The following CFTR variants were observed in gnomAD, a reference collection of about 807,000 sequenced individuals.
CFTR encodes cystic fibrosis transmembrane conductance regulator.
A neutral mutation model predicts 171.6 loss-of-function variants in CFTR; 181 were observed. That is an observed-to-expected ratio of 1.05 (90% CI 0.93 to 1.19). The LOEUF is 1.19. Among genes scored for constraint, CFTR ranks in the 50% most tolerant of loss-of-function variants. The pLI, the probability that CFTR is intolerant of heterozygous loss-of-function variation, is 0.00. For missense variants in CFTR, 1,968 were observed against 1,734.7 expected (o/e 1.13, Z -2.39); for synonymous variants, 583 against 608.0 (o/e 0.96, Z 0.60).
intron 9 of CFTR, among the ~76,000 whole-genome samples, chr7:117,542,782 T>C (rs1799078832): frequency 6.6e-6 from 1 of 152,128 alleles, no homozygotes; most frequent in South Asian, 2.1e-4. Context: ...ATGTGTAAAA[T>C]GGAGAATATT....
At chr7:117,531,307 A>AATT (rs1798862359) in intron 4 of CFTR, among the ~76,000 whole-genome samples, 193 bp downstream of exon 4, 1 of 152,146 alleles carries the variant, frequency 6.6e-6, no homozygotes, top group South Asian at 2.1e-4. Flanking sequence ...TTAAACTGAT[A>AATT]ATTATTGAGT....
intron 11 of CFTR, among the ~76,000 whole-genome samples, chr7:117,576,651 T>C (rs1474228609): frequency 6.6e-6 from 1 of 152,146 alleles, no homozygotes; most frequent in African/African-American, 2.4e-5. Context: ...TTAGAGAATT[T>C]CCTCTGGTGA....
At chr7:117,556,434 G>A (rs887181418) in intron 10 of CFTR, among the ~76,000 whole-genome samples, 11 of 151,184 alleles carry the variant, frequency 7.3e-5, no homozygotes, top group African/African-American at 2.7e-4. Flanking sequence ...TGTTTAAATA[G>A]CACTGGAGTT....
At chr7:117,533,759 G>A (rs946184359) in intron 4 of CFTR, among the ~76,000 whole-genome samples, 14 of 152,058 alleles carry the variant, frequency 9.2e-5, no homozygotes, top group African/African-American at 3.4e-4. Flanking sequence ...GTTTCATATA[G>A]CATTGCATTT....
At chr7:117,528,515 G>A (rs1584783751) in intron 3 of CFTR, among the ~76,000 whole-genome samples, 1 of 105,950 alleles carries the variant, frequency 9.4e-6, no homozygotes. Context: ...ATTGACAAAT[G>A]GGATCTAATT....
chr7:117,552,671 CT>C (rs1350115491), intron 10 of CFTR, among the ~76,000 whole-genome samples: 3 of 152,062 alleles, frequency 2.0e-5, no homozygotes, highest in Admixed American at 6.6e-5. Context: ...ATCCAGGTAA[CT>C]TTTTTTAGTA....
intron 23 of CFTR, among the ~76,000 whole-genome samples, chr7:117,649,669 A>G (rs1793059045): frequency 6.6e-6 from 1 of 151,980 alleles, no homozygotes; most frequent in Non-Finnish European, 1.5e-5. Context: ...TTCAGGAAGA[A>G]TTTATTGAGC....
chr7:117,581,509 A>G (rs905400374), intron 11 of CFTR, among the ~76,000 whole-genome samples: 1 of 152,186 alleles, frequency 6.6e-6, no homozygotes, highest in African/African-American at 2.4e-5. Context: ...AAATTATGAG[A>G]GTTACCAATG....
At chr7:117,650,757 T>C (rs528527943) in intron 23 of CFTR, among the ~76,000 whole-genome samples, 12 of 152,284 alleles carry the variant, frequency 7.9e-5, no homozygotes, top group African/African-American at 2.6e-4. Context: ...ACTGAGCCTG[T>C]GGCTAGAGGG....
At chr7:117,630,922 G>A (rs1328522523) in intron 22 of CFTR, among the ~76,000 whole-genome samples, 1 of 152,214 alleles carries the variant, frequency 6.6e-6, no homozygotes, top group African/African-American at 2.4e-5. Context: ...GACTGGTTCA[G>A]TCAGGTTGGG....
intron 1 of CFTR, among the ~76,000 whole-genome samples, chr7:117,489,911 G>A (rs1020350924): frequency 6.6e-6 from 1 of 151,904 alleles, no homozygotes; most frequent in Non-Finnish European, 1.5e-5. Flanking sequence ...AGAACACTAG[G>A]TATTGGGGCT....
chr7:117,507,414 T>C (rs772212725), intron 2 of CFTR, among the ~76,000 whole-genome samples: 2 of 152,250 alleles, frequency 1.3e-5, no homozygotes, highest in Non-Finnish European at 2.9e-5. Flanking sequence ...AGACCTCTTA[T>C]GAAATATAAC....
intron 21 of CFTR, among the ~76,000 whole-genome samples, chr7:117,620,783 C>T (rs183871267): frequency 9.1e-4 from 139 of 152,272 alleles, no homozygotes; most frequent in African/African-American, 3.0e-3. Flanking sequence ...CACAAGTTCT[C>T]ATCCTAGTAG....
In CFTR at chr7:117,636,364, G is replaced by T. The variant is rs544691838; in HGVS notation, c.3718-6074G>T. 1.5e-4 allele frequency among the ~76,000 whole-genome samples: 23 copies of T among 151,956 alleles called. 1 individual carries two copies. The South Asian group carries it at 4.6e-3, about 30-fold the overall frequency. On this transcript the variant is annotated intron_variant, in intron 22 of 26. Coordinates refer to ENST00000003084, the MANE Select transcript of CFTR (RefSeq NM_000492.4). The stretch of plus-strand genomic sequence containing the variant: ...CTTTTTGAACATGATATGCCTTTGT[G>T]TCGGATTTTTTTTGGCATTATTCTG...
chr7:117,642,717 T>A (rs1446577689), intron 23 of CFTR, 124 bp downstream of exon 23: 2 of 1,036,880 alleles, frequency 1.9e-6, no homozygotes, highest in Non-Finnish European at 2.9e-6. Context: ...TGCTGTCTTT[T>A]TTCTCCAGTG....
rs1466730415 is a variant in CFTR at position 117,565,780 on chromosome 7, GA to G, written c.1584+6132del. ...AGTTTTCATATTTAAGCCACTAGAA[GA>G]AAAAAATTGGGAGGGAAGCTGAGAA... On this transcript the variant is annotated intron_variant, in intron 11 of 26. Transcript: ENST00000003084. 2.0e-5 allele frequency among the ~76,000 whole-genome samples: 3 copies of G among 151,728 alleles called. No individual in the cohort carries two copies. The East Asian group carries it at 5.8e-4, about 29-fold the overall frequency.
intron 4 of CFTR, among the ~76,000 whole-genome samples, chr7:117,534,015 T>A (rs1364418474): frequency 1.3e-5 from 2 of 152,138 alleles, no homozygotes; most frequent in Non-Finnish European, 2.9e-5. Flanking sequence ...AATATCATTC[T>A]CATTGTGAGG....
intron 1 of CFTR, 72 bp from the exon 2 acceptor site, chr7:117,504,181 A>G: frequency 1.2e-6 from 1 of 868,828 alleles, no homozygotes; most frequent in Non-Finnish European, 2.0e-6. Flanking sequence ...AGAAAAGTTG[A>G]ATAGTATCAG....
chr7:117,622,552 C>T (rs1367787351), intron 21 of CFTR, among the ~76,000 whole-genome samples: 1 of 152,112 alleles, frequency 6.6e-6, no homozygotes, highest in African/African-American at 2.4e-5. Flanking sequence ...ATATTTATTT[C>T]TTGCAATCCT....
Sources: gnomAD v4.1 joint callset for allele counts (sites outside exome capture counted in the v4.1 genomes callset) on GRCh38, gnomAD v4.1.1 for gene constraint, MANE v1.5 for transcripts, NCBI Gene and HGNC (gene_info 2026-07-23, HGNC 2026-07-21) for gene names.